Variants in ATXN10 observed in about 807,000 individuals in gnomAD.
ATXN10 encodes the protein ataxin 10, also known as ataxin-10.
In ATXN10, 28 loss-of-function variants were observed where a neutral mutation model predicts 52.9. The observed-to-expected ratio is 0.53, with a 90% CI of 0.39 to 0.73. The LOEUF (loss-of-function observed/expected upper bound fraction) is 0.73, where lower values mean the gene tolerates loss of function less well. ATXN10 is among the 30% of genes least tolerant of loss of function. The pLI is 0.00. For synonymous variants in ATXN10, 226 were observed against 221.5 expected (o/e 1.02, Z -0.18); for missense variants, 565 against 577.0 (o/e 0.98, Z 0.21).
chr22:45,689,519 C>T (rs1214849303), intron 1 of ATXN10, 193 bp from the exon 2 acceptor site: 2 of 611,734 alleles, frequency 3.3e-6, no homozygotes, highest in African/African-American at 3.7e-5. Context: ...TGAGAAGTGA[C>T]AAGAACAGTG....
chr22:45,749,526 T>G (rs1925865309), intron 9 of ATXN10, among the ~76,000 whole-genome samples: 1 of 152,184 alleles, frequency 6.6e-6, no homozygotes, highest in Non-Finnish European at 1.5e-5. Flanking sequence ...TAATGTCTAG[T>G]GTTTTAGTAA....
rs1416146771 is a variant in ATXN10 at position 45,840,376 on chromosome 22, T to C, written c.1238-2615T>C. Among the ~76,000 whole-genome samples, 1 of 152,108 alleles carries C rather than the reference T, an allele frequency of 6.6e-6. No homozygotes were observed. Among genetic ancestry groups the C allele is most frequent in the Non-Finnish European group, 1.5e-5 (1 of 68,018 alleles). On this transcript the variant is annotated intron_variant, in intron 10 of 11. Transcript: ENST00000252934. The surrounding 1 kb of genome is among the most constrained non-coding windows in gnomAD (Gnocchi z 5.8). ...ATTGGAAACAGACAGCAGGTGCACC[T>C]AATCTAAGCAGGTGCCGAGGGGTAG... is the stretch of plus-strand genomic sequence containing the variant.
intron 9 of ATXN10, among the ~76,000 whole-genome samples, chr22:45,746,669 A>G (rs944341744): frequency 7.2e-6 from 1 of 139,774 alleles, no homozygotes; most frequent in Non-Finnish European, 1.6e-5. Context: ...CCCAACCTTC[A>G]TACTTTCCCT....
At chr22:45,703,958 A>C (rs1923939127) in intron 5 of ATXN10, 1 of 152,308 alleles carries the variant, frequency 6.6e-6, no homozygotes, top group South Asian at 2.1e-4. Context: ...CAAGCTATTC[A>C]GCAGGCAAGA....
chr22:45,785,057 G>T (rs1394782486), intron 9 of ATXN10, among the ~76,000 whole-genome samples: 1 of 152,200 alleles, frequency 6.6e-6, no homozygotes, highest in African/African-American at 2.4e-5. Flanking sequence ...GGTTATTTTT[G>T]TTCTAAATGT....
chr22:45,843,817 T>C lies in ATXN10; in HGVS notation c.*146T>C. On this transcript the variant is annotated 3_prime_UTR_variant, in exon 12 of 12. Coordinates refer to ENST00000252934, the MANE Select transcript of ATXN10 (RefSeq NM_013236.4). The surrounding 1 kb of genome is among the most constrained non-coding windows in gnomAD (Gnocchi z 4.5). Reference sequence around the variant, plus strand: ...CTTTTAGGTAGTAGAGTTTAACGTGTATAAGCTAAAAGTGAAAGTAACTGA... The same window carrying C: ...CTTTTAGGTAGTAGAGTTTAACGTGCATAAGCTAAAAGTGAAAGTAACTGA... 2.7e-6 allele frequency: 2 copies of C among 754,324 alleles called. No homozygotes were observed. Among genetic ancestry groups the C allele is most frequent in the Non-Finnish European group, 4.5e-6 (2 of 446,844 alleles). 46.7% of individuals were successfully genotyped at this position (754,324 alleles called of 1,614,324 possible).
chr22:45,744,635 A>G lies in ATXN10; in HGVS notation c.1173+4097A>G, dbSNP rs1925659945. On this transcript the variant is annotated intron_variant, in intron 9 of 11. Coordinates refer to ENST00000252934, the MANE Select transcript of ATXN10 (RefSeq NM_013236.4). The surrounding 1 kb of genome is among the most constrained non-coding windows in gnomAD (Gnocchi z 4.9). ...ACACATGTCCACTAGGAGCTGTAGC[A>G]AAAGTCCGTGTGGTGAGGCCTGTCA... 1 of 152,280 alleles carries G rather than the reference A, an allele frequency of 6.6e-6. No individual in the cohort carries two copies. The highest frequency in any genetic ancestry group is 2.4e-5 in the African/African-American group (1 of 41,446). 9.4% of individuals were successfully genotyped at this position (152,280 alleles called of 1,614,324 possible). A position where few individuals can be genotyped will look rare whatever the true frequency, so the allele number is the denominator to read the frequency against.
intron 9 of ATXN10, among the ~76,000 whole-genome samples, chr22:45,794,284 T>G (rs889419133): frequency 4.6e-5 from 7 of 151,892 alleles, no homozygotes; most frequent in African/African-American, 1.7e-4. Context: ...AAAAGGACAG[T>G]TGTATCCAAG....
At chr22:45,830,638 A>G (rs1286826601) in intron 10 of ATXN10, among the ~76,000 whole-genome samples, 2 of 152,122 alleles carry the variant, frequency 1.3e-5, no homozygotes, top group Non-Finnish European at 2.9e-5. Context: ...AATGCAAATC[A>G]AAACCACAAT....
rs557039280 is a variant in ATXN10, at chr22:45,816,510, A to G, written c.1237+9488A>G. On this transcript the variant is annotated intron_variant, in intron 10 of 11. Coordinates refer to ENST00000252934, the MANE Select transcript of ATXN10 (RefSeq NM_013236.4). The surrounding 1 kb of genome is among the most constrained non-coding windows in gnomAD (Gnocchi z 5.8). ...GGCTGTGCCTCTCCCTGAACATGAC[A>G]CACCAGAATACCCAGATATGTAACC... is the stretch of plus-strand genomic sequence containing the variant. Among the ~76,000 whole-genome samples the G allele has an allele frequency of 8.5e-5, 13 of 152,206 alleles. No homozygotes were observed. The East Asian group carries it at 2.1e-3, about 25-fold the overall frequency.
At chr22:45,791,637 A>T (rs1452113234) in intron 9 of ATXN10, among the ~76,000 whole-genome samples, 1 of 152,244 alleles carries the variant, frequency 6.6e-6, no homozygotes, top group Non-Finnish European at 1.5e-5. Flanking sequence ...CTGCCTGAAC[A>T]TGATGTATTA....
Position 45,806,943 on chromosome 22 carries a change from T to C in ATXN10, c.1174-16T>C, listed in dbSNP as rs1172396366. 43 of 1,607,658 alleles carry C rather than the reference T, an allele frequency of 2.7e-5. No homozygotes were observed. The highest frequency in any genetic ancestry group is 6.7e-5 in the East Asian group (3 of 44,834). ...ATGCTGTTTTCAGTGTATAAACTTA[T>C]CTTCTTTCTCTCTAGGTAAATGAGC... On this transcript the variant is annotated splice_polypyrimidine_tract_variant and intron_variant, in intron 9 of 11. Coordinates refer to ENST00000252934, the MANE Select transcript of ATXN10 (RefSeq NM_013236.4).
Position 45,700,304 on chromosome 22 carries a change from T to C in ATXN10, c.414T>C (p.Phe138=). 4 of 1,614,002 alleles carry C rather than the reference T, an allele frequency of 2.5e-6. No individual in the cohort carries two copies. The highest frequency in any genetic ancestry group is 3.4e-6 in the Non-Finnish European group (4 of 1,179,868). Residue 138 remains phenylalanine, a synonymous_variant, in exon 4 of 12, where the codon TTT becomes TTC. Transcript: ENST00000252934. Reference sequence around the variant, plus strand: ...TAGCTTTTCGCTGTGGCCTGCAGTTTTTAGGCAACATTGCCTCACGGAATG... The same window carrying C: ...TAGCTTTTCGCTGTGGCCTGCAGTTCTTAGGCAACATTGCCTCACGGAATG... The part of the protein sequence containing the change: ...LLTAFRCGLQ[F]LGNIASRNED...
chr22:45,699,028 G>A (rs528302878), intron 3 of ATXN10, among the ~76,000 whole-genome samples: 1 of 152,154 alleles, frequency 6.6e-6, no homozygotes, highest in East Asian at 1.9e-4. Flanking sequence ...AATATTTAGA[G>A]TATTATTTTC....
intron 5 of ATXN10, among the ~76,000 whole-genome samples, chr22:45,714,377 C>T (rs1382354448): frequency 2.6e-5 from 4 of 151,746 alleles, no homozygotes; most frequent in South Asian, 2.1e-4. Flanking sequence ...TGACTTTGTT[C>T]GTGGTATTTT....
chr22:45,694,487 A>C (rs1923510946), intron 3 of ATXN10, among the ~76,000 whole-genome samples: 1 of 152,060 alleles, frequency 6.6e-6, no homozygotes. Context: ...CCCCGTTTCC[A>C]AAAAAATACA....
chr22:45,728,883 G>T lies in ATXN10; in HGVS notation c.729-542G>T, dbSNP rs1174508389. 6.6e-6 allele frequency among the ~76,000 whole-genome samples: 1 copy of T among 152,108 alleles called. No individual in the cohort carries two copies. Among genetic ancestry groups the T allele is most frequent in the Non-Finnish European group, 1.5e-5 (1 of 68,016 alleles). ...ACCAAATGAGTGGTTAAAGCACCTG[G>T]CTCAGGGCACAGATTGAATCCTAGC... On this transcript the variant is annotated intron_variant, in intron 6 of 11. Coordinates refer to ENST00000252934, the MANE Select transcript of ATXN10 (RefSeq NM_013236.4). The surrounding 1 kb of genome is among the most constrained non-coding windows in gnomAD (Gnocchi z 4.3).
chr22:45,695,342 T>A (rs1923563597), intron 3 of ATXN10, among the ~76,000 whole-genome samples: 1 of 150,476 alleles, frequency 6.6e-6, no homozygotes. Context: ...AAAAAAAAAA[T>A]TGTCATTGTA....
chr22:45,817,831 CCCAGA>C (rs1928516722), intron 10 of ATXN10, among the ~76,000 whole-genome samples: 1 of 152,058 alleles, frequency 6.6e-6, no homozygotes, highest in South Asian at 2.1e-4. Flanking sequence ...ATGCTCCCAG[CCCAGA>C]CCAGTAAGAG....
Sources: allele counts gnomAD v4.1 joint callset (sites outside exome capture counted in the v4.1 genomes callset), GRCh38; gene constraint gnomAD v4.1.1; non-coding constraint Gnocchi (gnomAD v3.1); transcripts MANE v1.5; gene names NCBI Gene and HGNC (gene_info 2026-07-23, HGNC 2026-07-21).